CHIC2: variants seen among roughly 807,000 people sequenced by gnomAD.
The protein encoded by CHIC2 is cysteine-rich hydrophobic domain-containing protein 2.
In CHIC2, 14 loss-of-function variants were observed where a neutral mutation model predicts 25.9. That is an observed-to-expected ratio of 0.54 (90% CI 0.36 to 0.85). CHIC2 has a LOEUF of 0.85. CHIC2 is among the 40% of genes least tolerant of loss of function. The pLI is 0.01. For synonymous variants in CHIC2, 70 were observed against 72.0 expected, an observed-to-expected ratio of 0.97 and a Z score of 0.14; for missense variants, 146 against 202.0, an observed-to-expected ratio of 0.72 and a Z score of 1.68.
At chr4:54,030,413 C>T (rs1057033688) in intron 3 of CHIC2, among the ~76,000 whole-genome samples, 2 of 151,020 alleles carry the variant, frequency 1.3e-5, no homozygotes, top group Admixed American at 1.3e-4. Context: ...GTCCCGCCTA[C>T]TTGGGAGGGT....
At chr4:54,027,560 T>C (rs1462070468) in intron 3 of CHIC2, among the ~76,000 whole-genome samples, 1 of 152,156 alleles carries the variant, frequency 6.6e-6, no homozygotes, top group Non-Finnish European at 1.5e-5. Context: ...CAGGACCCCT[T>C]TTGTAAAGGG....
the CHIC2 span, among the ~76,000 whole-genome samples, chr4:54,083,475 C>T: frequency 5.3e-5 from 8 of 152,256 alleles, no homozygotes; most frequent in East Asian, 1.5e-3. Flanking sequence ...TCATCTGAAA[C>T]AACAAAAAAC....
In CHIC2 at chr4:54,041,384, T is replaced by C. The variant is rs113643570; in HGVS notation, c.330+7571A>G. 6.0e-3 allele frequency among the ~76,000 whole-genome samples: 912 copies of C among 152,184 alleles called. 8 individuals are homozygous for C. The highest frequency in any genetic ancestry group is 0.02 in the African/African-American group (841 of 41,518). On this transcript the variant is annotated intron_variant, in intron 3 of 5. Coordinates refer to ENST00000263921, the MANE Select transcript of CHIC2 (RefSeq NM_012110.4). ...GCCTCTCGATCGAGGGTTCTTAACA[T>C]ACAGTACCTAGACAGAATTCTGGGA... is the stretch of plus-strand genomic sequence containing the variant.
chr4:54,024,711 G>C (rs956657949), intron 3 of CHIC2, among the ~76,000 whole-genome samples: 1 of 152,118 alleles, frequency 6.6e-6, no homozygotes, highest in African/African-American at 2.4e-5. Flanking sequence ...CGCCAACCAA[G>C]CAAGTAATTA....
At position 54,064,278 on chromosome 4, in the gene CHIC2, T is replaced by C. The variant is rs1344441135; in HGVS notation, c.23A>G (p.Tyr8Cys). 2 of 1,612,950 alleles carry C rather than the reference T, an allele frequency of 1.2e-6. No homozygotes were observed. Among genetic ancestry groups the C allele is most frequent in the African/African-American group, 1.3e-5 (1 of 74,916 alleles). MADFDEIYEEEEDEERAL... is the reference protein window; with the variant it reads MADFDEICEEEEDEERAL... Reference sequence around the variant, plus strand: ...CCGCTCCTCGTCCTCCTCTTCCTCATAGATTTCGTCGAAATCCGCCATCCT... The same window carrying C: ...CCGCTCCTCGTCCTCCTCTTCCTCACAGATTTCGTCGAAATCCGCCATCCT... Residue 8 changes from tyrosine (Y) to cysteine (C), a missense_variant, in exon 1 of 6, where the codon TAT (tyrosine) becomes TGT (cysteine). By Grantham distance (194) the Tyr-to-Cys change is radical. Coordinates refer to ENST00000263921, the MANE Select transcript of CHIC2 (RefSeq NM_012110.4). This position sits in a 1 kb window ranked among gnomAD's most constrained non-coding sequence, Gnocchi z 4.2.
intron 3 of CHIC2, among the ~76,000 whole-genome samples, chr4:54,019,232 T>G (rs904995202): frequency 1.4e-5 from 2 of 141,222 alleles, no homozygotes. Context: ...AAAGCCTAGA[T>G]TCACCAAAAA....
At chr4:54,048,916 C>A in intron 3 of CHIC2, 39 bp downstream of exon 3, 1 of 1,449,644 alleles carries the variant, frequency 6.9e-7, no homozygotes, top group Non-Finnish European at 9.2e-7. Flanking sequence ...CTTGCTTGTC[C>A]ACTTCTAAAT....
intron 3 of CHIC2, among the ~76,000 whole-genome samples, chr4:54,029,086 G>A (rs550662126): frequency 1.3e-5 from 2 of 148,968 alleles, no homozygotes; most frequent in Non-Finnish European, 3.0e-5. Context: ...TCGCGCCACC[G>A]CACTCCAGCC....
chr4:54,062,105 CAACT>C (rs1309660271), intron 1 of CHIC2, among the ~76,000 whole-genome samples: 1 of 152,096 alleles, frequency 6.6e-6, no homozygotes, highest in Non-Finnish European at 1.5e-5. Context: ...ATCCCCATCT[CAACT>C]AAAGGTCATG....
At chr4:54,014,036 T>C (rs756031968) in intron 4 of CHIC2, 27 bp downstream of exon 4, 17 of 1,611,592 alleles carry the variant, frequency 1.1e-5, no homozygotes, top group Non-Finnish European at 1.3e-5. Context: ...ACCCCAACAG[T>C]ACGAAGCTGC....
At chr4:54,053,833 C>T (rs1266924163) in intron 1 of CHIC2, among the ~76,000 whole-genome samples, 1 of 151,994 alleles carries the variant, frequency 6.6e-6, no homozygotes, top group East Asian at 1.9e-4. Flanking sequence ...CTTTGTTGTT[C>T]AGGCTGGAGT....
intron 3 of CHIC2, among the ~76,000 whole-genome samples, chr4:54,039,709 C>T (rs943883689): frequency 5.9e-5 from 9 of 152,148 alleles, no homozygotes; most frequent in African/African-American, 1.9e-4. Context: ...AATCCCCTTC[C>T]TAAAAATGAA....
At chr4:54,012,508 T>G (rs555243911) in intron 5 of CHIC2, among the ~76,000 whole-genome samples, 14 of 152,252 alleles carry the variant, frequency 9.2e-5, no homozygotes, top group Admixed American at 4.6e-4. Flanking sequence ...CAAAGTAAAT[T>G]TAGAAATGCA....
chr4:54,055,458 C>T (rs1297239619), intron 1 of CHIC2, among the ~76,000 whole-genome samples: 2 of 152,128 alleles, frequency 1.3e-5, no homozygotes, highest in Admixed American at 1.3e-4. Flanking sequence ...ACAGGGTCCT[C>T]GATCTGCCAT....
chr4:54,064,542 G>A lies in CHIC2; in HGVS notation c.-242C>T, dbSNP rs988785436. ...AACACAATGTCAACATCCGCCCAGA[G>A]GCCGACACCTCCACAAGCACAGACG... On this transcript the variant is annotated 5_prime_UTR_variant, in exon 1 of 6. Transcript: ENST00000263921. This position sits in a 1 kb window ranked among gnomAD's most constrained non-coding sequence, Gnocchi z 4.2. The A allele has an allele frequency of 1.5e-6, 2 of 1,354,424 alleles. No individual in the cohort carries two copies. The highest frequency in any genetic ancestry group is 1.9e-6 in the Non-Finnish European group (2 of 1,057,642). 83.9% of individuals were successfully genotyped at this position (1,354,424 alleles called of 1,614,324 possible). A position where few individuals can be genotyped will look rare whatever the true frequency, so the allele number is the denominator to read the frequency against.
chr4:54,081,905 T>C, the CHIC2 span, among the ~76,000 whole-genome samples: 1 of 152,114 alleles, frequency 6.6e-6, no homozygotes, highest in Non-Finnish European at 1.5e-5. Flanking sequence ...GGAGAAGCCA[T>C]AGTTTTGAAT....
upstream of CHIC2, among the ~76,000 whole-genome samples, chr4:54,065,546 G>A (rs1378542590): frequency 2.0e-5 from 3 of 152,184 alleles, no homozygotes; most frequent in South Asian, 2.1e-4. Context: ...AAGAAGGGGA[G>A]GAAGGAAGGA....
At chr4:54,020,773 A>C (rs1408794810) in intron 3 of CHIC2, among the ~76,000 whole-genome samples, 3 of 151,972 alleles carry the variant, frequency 2.0e-5, no homozygotes, top group Non-Finnish European at 4.4e-5. Context: ...TTATCCATGG[A>C]CCCAAAACTC....
At chr4:54,013,948 C>T in intron 4 of CHIC2, 52 bp from the exon 5 acceptor site, 4 of 1,598,038 alleles carry the variant, frequency 2.5e-6, no homozygotes, top group Non-Finnish European at 3.4e-6. Flanking sequence ...TTTATTGCAG[C>T]ACACAGACTA....
Sources: allele counts gnomAD v4.1 joint callset (sites outside exome capture counted in the v4.1 genomes callset), GRCh38; gene constraint gnomAD v4.1.1; non-coding constraint Gnocchi (gnomAD v3.1); transcripts MANE v1.5; gene names NCBI Gene and HGNC (gene_info 2026-07-23, HGNC 2026-07-21).